The following HUNK variants were observed in gnomAD, a reference collection of about 807,000 sequenced individuals.
HUNK encodes hormonally up-regulated Neu-associated kinase.
A neutral mutation model predicts 61.0 loss-of-function variants in HUNK; 21 were observed. The observed-to-expected ratio is 0.34, with a 90% CI of 0.24 to 0.50. The LOEUF (loss-of-function observed/expected upper bound fraction) is 0.50. Ranked by LOEUF, HUNK falls within the 20% of genes least tolerant of loss-of-function variation. HUNK has a pLI of 0.98. For missense variants in HUNK, 772 were observed against 945.7 expected (o/e 0.82, Z 2.41); for synonymous variants, 371 against 386.1 (o/e 0.96, Z 0.46).
At chr21:31,966,506 C>A (rs1296983095) in intron 5 of HUNK, among the ~76,000 whole-genome samples, 3 of 152,188 alleles carry the variant, frequency 2.0e-5, no homozygotes, top group Non-Finnish European at 4.4e-5. Flanking sequence ...AGTATGGGAA[C>A]CCACCCTGGT....
chr21:31,879,855 C>T (rs545058306), intron 1 of HUNK, among the ~76,000 whole-genome samples: 14 of 152,288 alleles, frequency 9.2e-5, no homozygotes, highest in Admixed American at 5.2e-4. Context: ...TTTATGGTAA[C>T]GGAGAGACCT....
intron 1 of HUNK, among the ~76,000 whole-genome samples, chr21:31,880,196 A>T (rs1478227572): frequency 2.0e-5 from 3 of 152,218 alleles, no homozygotes; most frequent in African/African-American, 7.2e-5. Flanking sequence ...TGCCTGCAGC[A>T]GCCCTGGTGG....
At chr21:31,991,788 A>C (rs2053173690) in intron 9 of HUNK, among the ~76,000 whole-genome samples, 1 of 152,204 alleles carries the variant, frequency 6.6e-6, no homozygotes, top group East Asian at 1.9e-4. Flanking sequence ...CTCAGCTCCC[A>C]GGGCTCCTCT....
chr21:31,989,766 A>G (rs1486637683), intron 8 of HUNK, among the ~76,000 whole-genome samples: 4 of 149,912 alleles, frequency 2.7e-5, no homozygotes, highest in African/African-American at 9.8e-5. Context: ...AATGCCTGGC[A>G]GAGGACATGG....
At chr21:31,909,177 C>G (rs1276379134) in intron 1 of HUNK, among the ~76,000 whole-genome samples, 2 of 152,182 alleles carry the variant, frequency 1.3e-5, no homozygotes, top group Non-Finnish European at 2.9e-5. Flanking sequence ...AAGTAGCAGC[C>G]TTCTGATAAG....
At position 31,873,703 on chromosome 21, in the gene HUNK, T is replaced by A; in HGVS notation, c.29T>A (p.Leu10Gln). ...CCGGCGGCGGCGGGGGACGGGCTCCTGGGGGAGCCGGCGGCGCCTGGGGGC... is the reference window on the plus strand; with the variant it reads ...CCGGCGGCGGCGGGGGACGGGCTCCAGGGGGAGCCGGCGGCGCCTGGGGGC... MPAAAGDGL[L>Q]GEPAAPGGGG... The change falls in exon 1 of 11, where the codon CTG becomes CAG. Residue 10 changes from leucine (L) to glutamine (Q), a missense_variant. Transcript: ENST00000270112. The surrounding 1 kb of genome is among the most constrained non-coding windows in gnomAD (Gnocchi z 6.1). 8.8e-7 allele frequency: 1 copy of A among 1,140,326 alleles called. No individual in the cohort carries two copies. The allele number at this position is 1,140,326 out of a possible 1,614,324, so 70.6% of individuals were successfully genotyped here.
At chr21:31,963,553 A>G (rs2052942728) in intron 5 of HUNK, among the ~76,000 whole-genome samples, 2 of 152,206 alleles carry the variant, frequency 1.3e-5, no homozygotes, top group African/African-American at 4.8e-5. Context: ...GCTGGAGTGC[A>G]GTGGCACAAT....
intron 2 of HUNK, among the ~76,000 whole-genome samples, chr21:31,931,642 G>A (rs971855566): frequency 1.3e-5 from 2 of 152,156 alleles, no homozygotes; most frequent in African/African-American, 4.8e-5. Context: ...TTGCTTGGCT[G>A]CCTGTCTTTG....
intron 4 of HUNK, among the ~76,000 whole-genome samples, chr21:31,955,571 A>T (rs1429403566): frequency 6.6e-6 from 1 of 152,208 alleles, no homozygotes; most frequent in African/African-American, 2.4e-5. Flanking sequence ...AGCCTGGGCG[A>T]TGGAGCGAGA....
chr21:31,890,298 G>A (rs967210096), intron 1 of HUNK, among the ~76,000 whole-genome samples: 11 of 151,300 alleles, frequency 7.3e-5, no homozygotes, highest in South Asian at 4.2e-4. Flanking sequence ...GCACAGTCTC[G>A]GCTCGCTGCA....
At chr21:31,910,655 A>G (rs2052539769) in intron 1 of HUNK, among the ~76,000 whole-genome samples, 1 of 151,950 alleles carries the variant, frequency 6.6e-6, no homozygotes, top group South Asian at 2.1e-4. Context: ...CGCCTGACTA[A>G]TTTTTGTATT....
chr21:31,883,283 C>T (rs1044301927), intron 1 of HUNK, among the ~76,000 whole-genome samples: 1 of 152,090 alleles, frequency 6.6e-6, no homozygotes, highest in Non-Finnish European at 1.5e-5. Context: ...GTTTGCTTTT[C>T]CACATGTCAG....
chr21:32,000,869 TA>T lies in HUNK; in HGVS notation c.*1686del, dbSNP rs922363533. On this transcript the variant is annotated 3_prime_UTR_variant, in exon 11 of 11. Transcript: ENST00000270112. ...GACCTGGAGCTGCCTGTTTCTTCCCTAGGGGATCACCACGGCTCTAGGGCAT... is the reference window on the plus strand; with the variant it reads ...GACCTGGAGCTGCCTGTTTCTTCCCTGGGGATCACCACGGCTCTAGGGCAT... The T allele has an allele frequency of 5.0e-6, 2 of 397,598 alleles. No individual in the cohort carries two copies. The highest frequency in any genetic ancestry group is 8.8e-6 in the Non-Finnish European group (2 of 226,048). The allele number at this position is 397,598 out of a possible 1,614,324, so 24.6% of individuals were successfully genotyped here. A position where few individuals can be genotyped will look rare whatever the true frequency, so the allele number is the denominator to read the frequency against.
chr21:31,998,756 G>T lies in HUNK; in HGVS notation c.1717G>T (p.Val573Leu). 1 of 1,614,180 alleles carries T rather than the reference G, an allele frequency of 6.2e-7. No individual in the cohort carries two copies. The highest frequency in any genetic ancestry group is 2.2e-5 in the East Asian group (1 of 44,862). ...ESVDRDDHVE[V>L]LSPSHHYRIL... is the part of the protein sequence containing the mutation. Reference sequence around the variant, plus strand: ...TGTGGATCGCGACGACCACGTAGAAGTGCTGTCTCCCTCTCATCACTACAG... The same window carrying T: ...TGTGGATCGCGACGACCACGTAGAATTGCTGTCTCCCTCTCATCACTACAG... The change falls in exon 11 of 11, where the codon GTG becomes TTG. Residue 573 changes from valine (V) to leucine (L), a missense_variant. Around this residue, in one of 2 missense-constraint regions of HUNK, gnomAD observed 413 missense variants for 444.4 expected, o/e 0.93. Coordinates refer to ENST00000270112, the MANE Select transcript of HUNK (RefSeq NM_014586.2).
chr21:31,939,945 TC>T (rs1284146364), intron 2 of HUNK, among the ~76,000 whole-genome samples: 1 of 151,890 alleles, frequency 6.6e-6, no homozygotes. Context: ...CTCTTTGCTG[TC>T]TGTCATGTCT....
chr21:31,927,600 C>A (rs181820792), intron 2 of HUNK, among the ~76,000 whole-genome samples: 3 of 151,956 alleles, frequency 2.0e-5, no homozygotes, highest in African/African-American at 7.2e-5. Context: ...GCCGAGATCA[C>A]GCCACTGCAC....
intron 3 of HUNK, 92 bp from the exon 4 acceptor site, chr21:31,945,944 C>G: frequency 7.9e-7 from 1 of 1,261,084 alleles, no homozygotes; most frequent in Non-Finnish European, 1.1e-6. Flanking sequence ...TGTTTCCTTT[C>G]CTGCTGCCCT....
chr21:31,901,372 C>T (rs1291878418), intron 1 of HUNK, among the ~76,000 whole-genome samples: 8 of 152,110 alleles, frequency 5.3e-5, no homozygotes, highest in Non-Finnish European at 1.5e-5. Context: ...CCTGTACTGT[C>T]CCCCTCTAGG....
rs143427216 is a variant in HUNK at position 31,998,127 on chromosome 21, C to T, written c.1487-399C>T. Among the ~76,000 whole-genome samples the T allele has an allele frequency of 6.6e-5, 10 of 152,266 alleles. No individual in the cohort carries two copies. In the East Asian group the frequency reaches 1.5e-3, roughly 24 times the overall value. On this transcript the variant is annotated intron_variant, in intron 10 of 10. Transcript: ENST00000270112. ...AGAGACGGGGTCTTGCCATATTGCTCACGCTGGTCTTGAATTCCTGGGCTC... is the reference window on the plus strand; with the variant it reads ...AGAGACGGGGTCTTGCCATATTGCTTACGCTGGTCTTGAATTCCTGGGCTC...
Sources: allele counts gnomAD v4.1 joint callset (sites outside exome capture counted in the v4.1 genomes callset), GRCh38; gene constraint gnomAD v4.1.1; regional missense constraint gnomAD v4.1.1; non-coding constraint Gnocchi (gnomAD v3.1); transcripts MANE v1.5; gene names NCBI Gene and HGNC (gene_info 2026-07-23, HGNC 2026-07-21).